NIM1K: variants seen among roughly 807,000 people sequenced by gnomAD.
NIM1K encodes the protein NIM1 serine/threonine protein kinase, also known as serine/threonine-protein kinase NIM1.
Under a neutral mutation model 37.1 loss-of-function variants are expected in NIM1K, and 35 were observed. That is an observed-to-expected ratio of 0.94 (90% CI 0.72 to 1.25). NIM1K has a LOEUF of 1.25. Among genes scored for constraint, NIM1K ranks in the 50% most tolerant of loss-of-function variants. NIM1K has a pLI of 0.00. For missense variants in NIM1K, 564 were observed against 548.0 expected, an observed-to-expected ratio of 1.03 and a Z score of -0.29; for synonymous variants, 234 against 206.6, an observed-to-expected ratio of 1.13 and a Z score of -1.14.
At chr5:43,196,470 T>C (rs900074206) in intron 1 of NIM1K, among the ~76,000 whole-genome samples, 7 of 129,716 alleles carry the variant, frequency 5.4e-5, no homozygotes, top group African/African-American at 1.4e-4. Flanking sequence ...CTACTAAATA[T>C]ACAAAAAAAA....
intron 2 of NIM1K, among the ~76,000 whole-genome samples, chr5:43,272,175 A>T (rs1308858109): frequency 6.6e-6 from 1 of 152,216 alleles, no homozygotes; most frequent in African/African-American, 2.4e-5. Flanking sequence ...CAATCAAAAA[A>T]GCTTGTAGAC....
chr5:43,268,757 C>T (rs113004288), intron 2 of NIM1K, among the ~76,000 whole-genome samples: 4,866 of 151,486 alleles, frequency 0.032, 290 homozygotes, highest in African/African-American at 0.11. Context: ...ACAAAGGTGA[C>T]TGAGTTTTGG....
rs1753130666 is a variant in NIM1K, at chr5:43,265,511, C to A, written c.293-11546C>A. Among the ~76,000 whole-genome samples the A allele has an allele frequency of 2.0e-5, 3 of 152,130 alleles. No homozygotes were observed. In the South Asian group the frequency reaches 6.2e-4, roughly 32 times the overall value. On this transcript the variant is annotated intron_variant, in intron 2 of 3. Coordinates refer to ENST00000326035, the MANE Select transcript of NIM1K (RefSeq NM_153361.4). ...CTCTATGCTTTTTATTCTAGTTAGCCATTTGTCTAATCCTTTTTCAAGGTT... is the reference window on the plus strand; with the variant it reads ...CTCTATGCTTTTTATTCTAGTTAGCAATTTGTCTAATCCTTTTTCAAGGTT...
At chr5:43,239,124 G>T (rs1287961530) in intron 1 of NIM1K, among the ~76,000 whole-genome samples, 1 of 151,872 alleles carries the variant, frequency 6.6e-6, no homozygotes, top group Admixed American at 6.6e-5. Flanking sequence ...AGGAATTTAG[G>T]TTGCAGTTTT....
At chr5:43,241,939 G>C (rs1041481409) in intron 1 of NIM1K, among the ~76,000 whole-genome samples, 2 of 151,946 alleles carry the variant, frequency 1.3e-5, no homozygotes, top group Admixed American at 1.3e-4. Flanking sequence ...TTTTGAAGTA[G>C]GAGTGAGATA....
intron 1 of NIM1K, among the ~76,000 whole-genome samples, chr5:43,223,405 C>G (rs1293402137): frequency 6.6e-6 from 1 of 152,160 alleles, no homozygotes; most frequent in Non-Finnish European, 1.5e-5. Flanking sequence ...ATGCCTACCA[C>G]ATAAAATGTG....
chr5:43,222,355 A>G (rs1752392383), intron 1 of NIM1K, among the ~76,000 whole-genome samples: 2 of 152,206 alleles, frequency 1.3e-5, no homozygotes, highest in South Asian at 4.1e-4. Flanking sequence ...ACTATTAGTG[A>G]TAGACTAAGG....
At position 43,280,089 on chromosome 5, in the gene NIM1K, G is replaced by T; in HGVS notation, c.671G>T (p.Gly224Val). The change falls in exon 4 of 4, where the codon GGT becomes GTT. Residue 224 changes from glycine (G) to valine (V), a missense_variant. Physicochemically the swap from Gly to Val is moderately radical, Grantham distance 109. Coordinates refer to ENST00000326035, the MANE Select transcript of NIM1K (RefSeq NM_153361.4). The part of the protein sequence containing the change: ...DFGFSTVSKK[G>V]EMLNTFCGSP... Reference sequence around the variant, plus strand: ...GGATTCAGCACAGTAAGCAAAAAAGGTGAAATGCTGAACACTTTCTGTGGG... The same window carrying T: ...GGATTCAGCACAGTAAGCAAAAAAGTTGAAATGCTGAACACTTTCTGTGGG... The T allele has an allele frequency of 6.2e-7, 1 of 1,614,192 alleles. No homozygotes were observed. Among genetic ancestry groups the T allele is most frequent in the Non-Finnish European group, 8.5e-7 (1 of 1,180,040 alleles).
At chr5:43,258,585 G>C (rs1296281531) in intron 2 of NIM1K, among the ~76,000 whole-genome samples, 1 of 151,938 alleles carries the variant, frequency 6.6e-6, no homozygotes, top group African/African-American at 2.4e-5. Flanking sequence ...GGAACCACAG[G>C]GGCATGCCAT....
intron 1 of NIM1K, among the ~76,000 whole-genome samples, chr5:43,235,821 A>G (rs1752612701): frequency 6.6e-6 from 1 of 151,256 alleles, no homozygotes. Flanking sequence ...TTGACTACGG[A>G]CCTATGAACT....
At chr5:43,240,832 C>T (rs373491264) in intron 1 of NIM1K, among the ~76,000 whole-genome samples, 32 of 152,012 alleles carry the variant, frequency 2.1e-4, no homozygotes, top group Middle Eastern at 6.8e-3. Context: ...CCACCACAAT[C>T]GGCCCTTTCT....
chr5:43,198,463 G>T, intron 1 of NIM1K, among the ~76,000 whole-genome samples: 1 of 144,350 alleles, frequency 6.9e-6, no homozygotes, highest in Non-Finnish European at 1.5e-5. Flanking sequence ...TTTCTATAGT[G>T]AAAACTGTCT....
chr5:43,234,540 G>A (rs1752589870), intron 1 of NIM1K, among the ~76,000 whole-genome samples: 1 of 152,096 alleles, frequency 6.6e-6, no homozygotes, highest in African/African-American at 2.4e-5. Context: ...TGTATTCCCA[G>A]CCCTTTGGGA....
chr5:43,244,685 G>C (rs544888710), intron 1 of NIM1K, among the ~76,000 whole-genome samples: 2 of 152,080 alleles, frequency 1.3e-5, no homozygotes, highest in African/African-American at 4.8e-5. Context: ...AAGTAGTAAA[G>C]GAGATAAAAT....
intron 2 of NIM1K, among the ~76,000 whole-genome samples, chr5:43,262,936 G>T (rs1753057573): frequency 6.6e-6 from 1 of 152,056 alleles, no homozygotes; most frequent in African/African-American, 2.4e-5. Context: ...TATGTTGAAT[G>T]AGCCTTGCAC....
intron 1 of NIM1K, among the ~76,000 whole-genome samples, chr5:43,206,268 C>CAGGCT (rs1752109035): frequency 6.6e-6 from 1 of 151,826 alleles, no homozygotes; most frequent in South Asian, 2.1e-4. Flanking sequence ...TGCCTGTAGT[C>CAGGCT]CCATCACTTT....
At chr5:43,261,126 A>C (rs1449920218) in intron 2 of NIM1K, among the ~76,000 whole-genome samples, 2 of 152,214 alleles carry the variant, frequency 1.3e-5, no homozygotes, top group Admixed American at 6.5e-5. Context: ...GTATATACCC[A>C]GTAATGGGAT....
chr5:43,257,070 T>C (rs1752957401), intron 2 of NIM1K, among the ~76,000 whole-genome samples: 1 of 151,194 alleles, frequency 6.6e-6, no homozygotes, highest in South Asian at 2.1e-4. Context: ...AGCCTTCAGG[T>C]ATCCAGCATT....
Position 43,252,509 on chromosome 5 carries a change from G to A in NIM1K, c.292+6442G>A, listed in dbSNP as rs572421155. 5.3e-5 allele frequency among the ~76,000 whole-genome samples: 8 copies of A among 151,540 alleles called. No individual in the cohort carries two copies. In the East Asian group the frequency reaches 1.5e-3, roughly 29 times the overall value. On this transcript the variant is annotated intron_variant, in intron 2 of 3. Transcript: ENST00000326035. The stretch of plus-strand genomic sequence containing the variant: ...ACAGTTTGAATAAGATAATAGAGGA[G>A]ATTCCCAGGAAAGCAGAGAGTTTCA...
Sources: gnomAD v4.1 joint callset for allele counts (sites outside exome capture counted in the v4.1 genomes callset) on GRCh38, gnomAD v4.1.1 for gene constraint, MANE v1.5 for transcripts, NCBI Gene and HGNC (gene_info 2026-07-23, HGNC 2026-07-21) for gene names.